Variants in SLC26A4 observed in about 807,000 individuals in gnomAD.
SLC26A4 encodes the protein pendrin.
In SLC26A4, 93 loss-of-function variants were observed where a neutral mutation model predicts 90.4. That is an observed-to-expected ratio of 1.03 (90% CI 0.87 to 1.22). The LOEUF is 1.22. Ranked by LOEUF, SLC26A4 falls within the 50% of genes most tolerant of loss-of-function variation. The probability of loss-of-function intolerance (pLI) is 0.00; values close to 1 mark genes in which losing one functional copy is unlikely to be tolerated. For synonymous variants in SLC26A4, 393 were observed against 354.6 expected (o/e 1.11, Z -1.22); for missense variants, 1,127 against 946.2 (o/e 1.19, Z -2.51).
chr7:107,666,549 T>C (rs752723684), intron 3 of SLC26A4, among the ~76,000 whole-genome samples: 2 of 152,016 alleles, frequency 1.3e-5, no homozygotes, highest in Non-Finnish European at 2.9e-5. Flanking sequence ...TTAGATATAA[T>C]GGTCAAGGAA....
At position 107,689,036 on chromosome 7, in the gene SLC26A4, A is replaced by T. The variant is rs745641949; in HGVS notation, c.1002-17A>T. 1.9e-6 allele frequency: 3 copies of T among 1,613,662 alleles called. No homozygotes were observed. Among genetic ancestry groups the T allele is most frequent in the Non-Finnish European group, 2.5e-6 (3 of 1,179,648 alleles). On this transcript the variant is annotated splice_polypyrimidine_tract_variant and intron_variant, in intron 8 of 20. Transcript: ENST00000644269. ...TGGTCAAATCTTCACAGCATTTTTC[A>T]CTTAAAAACTCACTAGGTTTTTGCC...
intron 19 of SLC26A4, 82 bp from the exon 20 acceptor site, chr7:107,712,457 C>A (rs1792217419): frequency 1.3e-6 from 1 of 784,194 alleles, no homozygotes; most frequent in Non-Finnish European, 2.3e-6. Context: ...TGAGAAGCAC[C>A]AGGAAAGCTT....
intron 17 of SLC26A4, among the ~76,000 whole-genome samples, chr7:107,704,098 C>G (rs1327232475): frequency 6.6e-6 from 1 of 152,196 alleles, no homozygotes; most frequent in Non-Finnish European, 1.5e-5. Context: ...CACCTCCACG[C>G]TATCAAGTGC....
chr7:107,670,213 A>G (rs1790826213), intron 3 of SLC26A4, among the ~76,000 whole-genome samples: 1 of 151,016 alleles, frequency 6.6e-6, no homozygotes, highest in Non-Finnish European at 1.5e-5. Flanking sequence ...GGGTTCAAGC[A>G]GTTCTCTGCC....
chr7:107,675,188 A>G (rs571811849), intron 6 of SLC26A4, 79 bp downstream of exon 6: 565 of 1,414,458 alleles, frequency 4.0e-4, no homozygotes, highest in Non-Finnish European at 2.4e-4. Context: ...AGTCTGGGCC[A>G]GGCGTGGTGG....
At chr7:107,670,525 T>G (rs1790836621) in intron 3 of SLC26A4, among the ~76,000 whole-genome samples, 1 of 152,132 alleles carries the variant, frequency 6.6e-6, no homozygotes, top group African/African-American at 2.4e-5. Flanking sequence ...CTTTTTTCCC[T>G]CTTACTTCAC....
intron 5 of SLC26A4, 144 bp downstream of exon 5, chr7:107,674,492 A>G (rs1790967572): frequency 4.1e-6 from 3 of 728,776 alleles, no homozygotes; most frequent in Non-Finnish European, 6.9e-6. Context: ...ACGTTGTTTT[A>G]GGTCAGGTGC....
rs113976786 is a variant in SLC26A4, at chr7:107,691,514, T to TACACACACACACACAC, written c.1263+1293_1263+1308dup. Among the ~76,000 whole-genome samples, 112 of 131,034 alleles carry TACACACACACACACAC rather than the reference T, an allele frequency of 8.5e-4. 1 individual carries two copies. Among genetic ancestry groups the TACACACACACACACAC allele is most frequent in the African/African-American group, 2.8e-3 (96 of 34,442 alleles). 86.0% of individuals were successfully genotyped at this position (131,034 alleles called of 152,430 possible). A position where few individuals can be genotyped will look rare whatever the true frequency, so the allele number is the denominator to read the frequency against. On this transcript the variant is annotated intron_variant, in intron 10 of 20. Coordinates refer to ENST00000644269, the MANE Select transcript of SLC26A4 (RefSeq NM_000441.2). The stretch of plus-strand genomic sequence containing the variant: ...CTAGACTCTGTGTCAAATATATATA[T>TACACACACACACACAC]ACACACACACACACACACACACACA...
Position 107,716,514 on chromosome 7 carries a change from T to C in SLC26A4, c.*1068T>C, listed in dbSNP as rs1017422930. ...GACAAAGCATTCTAAATGAACTCAA[T>C]ATAAAAACATTCATTTGGAATGTAC... On this transcript the variant is annotated 3_prime_UTR_variant, in exon 21 of 21. Coordinates refer to ENST00000644269, the MANE Select transcript of SLC26A4 (RefSeq NM_000441.2). The C allele has an allele frequency of 2.6e-5, 4 of 152,238 alleles. No individual in the cohort carries two copies. The highest frequency in any genetic ancestry group is 5.9e-5 in the Non-Finnish European group (4 of 68,042). The allele number at this position is 152,238 out of a possible 1,614,324, so 9.4% of individuals were successfully genotyped here.
intron 13 of SLC26A4, among the ~76,000 whole-genome samples, chr7:107,697,124 G>A (rs908973063): frequency 7.2e-5 from 11 of 152,176 alleles, no homozygotes; most frequent in South Asian, 2.1e-4. Flanking sequence ...TCTAGGACAC[G>A]TCTCAGAAAC....
rs397516415 is a variant in SLC26A4 at position 107,694,438 on chromosome 7, C to A, written c.1299C>A (p.Ile433=). The A allele has an allele frequency of 1.2e-6, 2 of 1,613,650 alleles. No individual in the cohort carries two copies. The highest frequency in any genetic ancestry group is 1.7e-6 in the Non-Finnish European group (2 of 1,179,640). ...AGIISAAIVM[I]AILALGKLLE... Reference sequence around the variant, plus strand: ...TCATCTCTGCTGCGATTGTGATGATCGCCATTCTTGCCCTGGGGAAGCTTC... The same window carrying A: ...TCATCTCTGCTGCGATTGTGATGATAGCCATTCTTGCCCTGGGGAAGCTTC... The change falls in exon 11 of 21, where the codon ATC becomes ATA. Residue 433 remains isoleucine, a synonymous_variant. Transcript: ENST00000644269.
Position 107,715,410 on chromosome 7 carries a change from CT to C in SLC26A4, c.2320-11del. 1 of 1,611,724 alleles carries C rather than the reference CT, an allele frequency of 6.2e-7. No homozygotes were observed. The highest frequency in any genetic ancestry group is 8.5e-7 in the Non-Finnish European group (1 of 1,177,884). On this transcript the variant is annotated splice_polypyrimidine_tract_variant and intron_variant, in intron 20 of 20. Transcript: ENST00000644269. ...AGTTGTATCAACACTTTGTTTTCCC[CT>C]TGCTTCCACAGGCTATGCGTACACT...
chr7:107,667,392 C>A (rs1410850794), intron 3 of SLC26A4, among the ~76,000 whole-genome samples: 2 of 140,168 alleles, frequency 1.4e-5, no homozygotes, highest in African/African-American at 5.2e-5. Flanking sequence ...CCTGAGAAAG[C>A]CTGGCGCAGG....
chr7:107,691,510 T>TAC (rs780039045), intron 10 of SLC26A4, among the ~76,000 whole-genome samples: 12 of 51,218 alleles, frequency 2.3e-4, no homozygotes, highest in East Asian at 1.4e-3. Context: ...GTCAAATATA[T>TAC]ATATACACAC....
chr7:107,668,923 A>G (rs918869454), intron 3 of SLC26A4, among the ~76,000 whole-genome samples: 1 of 152,106 alleles, frequency 6.6e-6, no homozygotes, highest in East Asian at 1.9e-4. Context: ...ATGACTACCA[A>G]CAGAGAAATT....
chr7:107,669,979 G>A (rs1790819411), intron 3 of SLC26A4, among the ~76,000 whole-genome samples: 1 of 152,114 alleles, frequency 6.6e-6, no homozygotes, highest in African/African-American at 2.4e-5. Context: ...TATACTGAGA[G>A]TTTCCGCTGC....
At chr7:107,693,211 C>T in intron 10 of SLC26A4, 1 of 756,230 alleles carries the variant, frequency 1.3e-6, no homozygotes, top group Non-Finnish European at 1.6e-6. Context: ...ATCAGCTTCT[C>T]TGCTTAGTCA....
At chr7:107,709,616 T>C (rs1376851303) in intron 18 of SLC26A4, among the ~76,000 whole-genome samples, 1 of 152,090 alleles carries the variant, frequency 6.6e-6, no homozygotes, top group African/African-American at 2.4e-5. Flanking sequence ...CTGTGAAACA[T>C]TGGCAGCCTG....
At chr7:107,697,348 A>G (rs773638094) in intron 13 of SLC26A4, among the ~76,000 whole-genome samples, 1 of 152,236 alleles carries the variant, frequency 6.6e-6, no homozygotes, top group Non-Finnish European at 1.5e-5. Flanking sequence ...AAAAAGCAGT[A>G]TCCTCCACAG....
Sources: allele counts gnomAD v4.1 joint callset (sites outside exome capture counted in the v4.1 genomes callset), GRCh38; gene constraint gnomAD v4.1.1; transcripts MANE v1.5; gene names NCBI Gene and HGNC (gene_info 2026-07-23, HGNC 2026-07-21).